The following COL19A1 variants were observed in gnomAD, a reference collection of about 807,000 sequenced individuals.
COL19A1 encodes the protein collagen alpha-1(XIX) chain.
In COL19A1, 159 loss-of-function variants were observed where a neutral mutation model predicts 190.2. That is an observed-to-expected ratio of 0.84 (90% CI 0.73 to 0.95). The LOEUF is 0.95. Among genes scored for constraint, COL19A1 ranks in the 40% least tolerant of loss-of-function variants. The probability of loss-of-function intolerance (pLI) is 0.00; values close to 1 mark genes in which losing one functional copy is unlikely to be tolerated. For missense variants in COL19A1, 1,418 were observed against 1,431.9 expected (o/e 0.99, Z 0.16); for synonymous variants, 509 against 458.9 (o/e 1.11, Z -1.39).
chr6:69,900,194 A>G, intron 3 of COL19A1, 45 bp from the exon 4 acceptor site: 2 of 1,249,348 alleles, frequency 1.6e-6, no homozygotes, highest in Non-Finnish European at 2.2e-6. Context: ...AGAAATTAAC[A>G]TTTCTATTAG....
intron 1 of COL19A1, among the ~76,000 whole-genome samples, chr6:69,868,960 G>A (rs1415913067): frequency 2.6e-5 from 4 of 151,822 alleles, no homozygotes; most frequent in Non-Finnish European, 4.4e-5. Context: ...AAATTCAATT[G>A]AAGTATGAAA....
chr6:70,036,622 TTAAA>T (rs1779366224), intron 14 of COL19A1, among the ~76,000 whole-genome samples: 1 of 152,126 alleles, frequency 6.6e-6, no homozygotes, highest in African/African-American at 2.4e-5. Context: ...CTTATTTAAC[TTAAA>T]TAAGACTCTA....
chr6:70,051,284 A>G (rs1417138774), intron 14 of COL19A1, among the ~76,000 whole-genome samples: 1 of 152,186 alleles, frequency 6.6e-6, no homozygotes, highest in African/African-American at 2.4e-5. Flanking sequence ...CAGTGTCAAG[A>G]ACTGTAAAAG....
chr6:69,881,698 C>T (rs1426964752), intron 2 of COL19A1, among the ~76,000 whole-genome samples: 1 of 152,170 alleles, frequency 6.6e-6, no homozygotes, highest in Non-Finnish European at 1.5e-5. Context: ...ACAAGATTCA[C>T]TTAACATGAA....
intron 4 of COL19A1, among the ~76,000 whole-genome samples, chr6:69,905,448 A>G (rs533891579): frequency 1.3e-5 from 2 of 152,138 alleles, no homozygotes; most frequent in Non-Finnish European, 2.9e-5. Flanking sequence ...CTCTCTGGGC[A>G]TGAGTGAGCT....
At chr6:69,923,392 C>T (rs1417525370) in intron 4 of COL19A1, among the ~76,000 whole-genome samples, 1 of 151,996 alleles carries the variant, frequency 6.6e-6, no homozygotes, top group Non-Finnish European at 1.5e-5. Flanking sequence ...GTGTGAAGTT[C>T]ATTAAAAGCT....
chr6:70,166,109 T>G (rs539956286), intron 37 of COL19A1, 124 bp downstream of exon 37: 2 of 864,782 alleles, frequency 2.3e-6, no homozygotes, highest in Non-Finnish European at 3.9e-6. Context: ...TGTATAAATA[T>G]AAATGATAGC....
In COL19A1 at chr6:69,938,098, C is replaced by A; in HGVS notation, c.934C>A (p.Pro312Thr). The change falls in exon 9 of 51, where the codon CCG (proline) becomes ACG (threonine). Residue 312 changes from proline to threonine, a missense_variant and splice_region_variant. By Grantham distance (38) the Pro-to-Thr change is conservative. Transcript: ENST00000620364. ...TGGGCAGAAAGGGCATAAAGGAGAG[C>A]CGGTAAGAAAAAAACAAATACTGAT... ...SPGQKGHKGE[P>T]GENGLHGAPG... is the part of the protein sequence containing the mutation. 1.2e-6 allele frequency: 2 copies of A among 1,610,870 alleles called. No individual in the cohort carries two copies. The highest frequency in any genetic ancestry group is 1.7e-6 in the Non-Finnish European group (2 of 1,178,520).
chr6:70,139,218 G>A, intron 19 of COL19A1, among the ~76,000 whole-genome samples: 1 of 152,120 alleles, frequency 6.6e-6, no homozygotes, highest in Admixed American at 6.6e-5. Context: ...CAGAGAGTCT[G>A]TGTTTCTCAT....
At chr6:70,184,676 A>T (rs1366224743) in intron 44 of COL19A1, 27 bp from the exon 45 acceptor site, 1 of 1,563,066 alleles carries the variant, frequency 6.4e-7, no homozygotes, top group Non-Finnish European at 8.8e-7. Context: ...GCAGAGTTAG[A>T]AATATTAATC....
intron 11 of COL19A1, among the ~76,000 whole-genome samples, chr6:70,009,948 A>T (rs1162265514): frequency 6.6e-6 from 1 of 152,202 alleles, no homozygotes; most frequent in African/African-American, 2.4e-5. Flanking sequence ...CTTACTTAAA[A>T]TAGGTAATAG....
intron 11 of COL19A1, among the ~76,000 whole-genome samples, chr6:69,978,668 A>G (rs1775862410): frequency 6.6e-6 from 1 of 151,664 alleles, no homozygotes. Flanking sequence ...ATATGCTTTT[A>G]TCTTATATAA....
At chr6:70,038,058 C>T (rs751767897) in intron 14 of COL19A1, among the ~76,000 whole-genome samples, 4 of 152,118 alleles carry the variant, frequency 2.6e-5, no homozygotes, top group Non-Finnish European at 4.4e-5. Flanking sequence ...TACCAACTTA[C>T]AATACACTAA....
chr6:69,876,524 G>A (rs1399686780), intron 1 of COL19A1, among the ~76,000 whole-genome samples: 2 of 152,150 alleles, frequency 1.3e-5, no homozygotes, highest in African/African-American at 2.4e-5. Flanking sequence ...TATTGACTAA[G>A]TTAAGGCCCT....
chr6:69,869,811 A>C (rs147465758), intron 1 of COL19A1, among the ~76,000 whole-genome samples: 8 of 152,254 alleles, frequency 5.3e-5, no homozygotes, highest in African/African-American at 1.7e-4. Context: ...GAATAGGTTA[A>C]GTGTGCTCAA....
chr6:70,166,691 G>A (rs1038933193), intron 37 of COL19A1, among the ~76,000 whole-genome samples: 4 of 152,196 alleles, frequency 2.6e-5, no homozygotes, highest in African/African-American at 9.7e-5. Flanking sequence ...GTGACTTTCC[G>A]AAGACAATGA....
At position 69,947,085 on chromosome 6, in the gene COL19A1, C is replaced by A. The variant is rs997036569; in HGVS notation, c.936+8985C>A. On this transcript the variant is annotated intron_variant, in intron 9 of 50. Transcript: ENST00000620364. ...CCTTTGTTGAAAAAGCTTGCTGATCCCTGCTCCGGAACATTGGCTGCTATT... is the reference window on the plus strand; with the variant it reads ...CCTTTGTTGAAAAAGCTTGCTGATCACTGCTCCGGAACATTGGCTGCTATT... Among the ~76,000 whole-genome samples, 3 of 151,962 alleles carry A rather than the reference C, an allele frequency of 2.0e-5. No individual in the cohort carries two copies. The East Asian group carries it at 5.8e-4, about 29-fold the overall frequency.
chr6:69,930,871 C>A (rs1393839259), intron 6 of COL19A1, among the ~76,000 whole-genome samples: 1 of 152,008 alleles, frequency 6.6e-6, no homozygotes, highest in Admixed American at 6.6e-5. Flanking sequence ...TCACGTGAAT[C>A]CTTATAAAAA....
chr6:69,996,938 G>GTGTGTATA (rs1554186344), intron 11 of COL19A1, among the ~76,000 whole-genome samples: 3 of 143,352 alleles, frequency 2.1e-5, no homozygotes, highest in East Asian at 3.9e-4. Flanking sequence ...GTGTGTGTGT[G>GTGTGTATA]TATATATATG....
Sources: allele counts gnomAD v4.1 joint callset (sites outside exome capture counted in the v4.1 genomes callset), GRCh38; gene constraint gnomAD v4.1.1; transcripts MANE v1.5; gene names NCBI Gene and HGNC (gene_info 2026-07-23, HGNC 2026-07-21).